MED28: variants seen among roughly 807,000 people sequenced by gnomAD.
MED28 encodes the protein mediator complex subunit 28.
In MED28, 26 loss-of-function variants were observed where a neutral mutation model predicts 21.3. That is an observed-to-expected ratio of 1.22 (90% CI 0.89 to 1.69). The LOEUF (loss-of-function observed/expected upper bound fraction) is 1.69. MED28 is among the 40% of genes most tolerant of loss of function. The probability of loss-of-function intolerance (pLI) is 0.00; values close to 1 mark genes in which losing one functional copy is unlikely to be tolerated. For missense variants in MED28, 257 were observed against 215.4 expected (o/e 1.19, Z -1.21); for synonymous variants, 110 against 87.6 (o/e 1.26, Z -1.43).
chr4:17,615,616 C>A (rs1217077772), intron 1 of MED28, among the ~76,000 whole-genome samples: 1 of 152,054 alleles, frequency 6.6e-6, no homozygotes, highest in Non-Finnish European at 1.5e-5. Context: ...TCGAGACCAG[C>A]CTGACCAACA....
In MED28 at chr4:17,625,984, A is replaced by C. The variant is rs887823285; in HGVS notation, c.*2186A>C. On this transcript the variant is annotated 3_prime_UTR_variant, in exon 4 of 4. Transcript: ENST00000237380. ...CTTCTAGAAGCCTTATAACAGAATC[A>C]ATATTGTTTTTCCCATTTTCACAGA... The C allele has an allele frequency of 6.1e-6, 1 of 163,686 alleles. No homozygotes were observed. Among genetic ancestry groups the C allele is most frequent in the Non-Finnish European group, 1.3e-5 (1 of 75,518 alleles). The allele number at this position is 163,686 out of a possible 1,614,324, so 10.1% of individuals were successfully genotyped here. A position where few individuals can be genotyped will look rare whatever the true frequency, so the allele number is the denominator to read the frequency against.
rs1016629489 is a variant in MED28, at chr4:17,633,652, A to C, written c.*9854A>C. ...TACTTCCCCTCTTATCTACAGGGAA[A>C]TAGAATAAGGGCCCCTGTCCCCAAC... On this transcript the variant is annotated 3_prime_UTR_variant, in exon 4 of 4. Coordinates refer to ENST00000237380, the MANE Select transcript of MED28 (RefSeq NM_025205.5). The C allele has an allele frequency of 1.2e-5, 17 of 1,435,752 alleles. No homozygotes were observed. The highest frequency in any genetic ancestry group is 1.5e-5 in the African/African-American group (1 of 68,278). The allele number at this position is 1,435,752 out of a possible 1,614,324, so 88.9% of individuals were successfully genotyped here.
At position 17,632,627 on chromosome 4, in the gene MED28, T is replaced by TA; in HGVS notation, c.*8833dup. On this transcript the variant is annotated 3_prime_UTR_variant, in exon 4 of 4. Transcript: ENST00000237380. ...TGGGCCGTTTCACCATCTGGGGTCC[T>TA]AAAAGCAAAAAAAGGTTTTTTTATA... is the stretch of plus-strand genomic sequence containing the variant. The TA allele has an allele frequency of 4.0e-6, 6 of 1,489,254 alleles. No homozygotes were observed. The highest frequency in any genetic ancestry group is 5.4e-6 in the Non-Finnish European group (6 of 1,112,996). The allele number at this position is 1,489,254 out of a possible 1,614,324, so 92.3% of individuals were successfully genotyped here. A position where few individuals can be genotyped will look rare whatever the true frequency, so the allele number is the denominator to read the frequency against.
chr4:17,627,786 G>GC lies in MED28; in HGVS notation c.*3990dup, dbSNP rs1714806332. 6.6e-6 allele frequency: 1 copy of GC among 152,570 alleles called. No homozygotes were observed. The highest frequency in any genetic ancestry group is 2.1e-4 in the South Asian group (1 of 4,842). 9.5% of individuals were successfully genotyped at this position (152,570 alleles called of 1,614,324 possible). A position where few individuals can be genotyped will look rare whatever the true frequency, so the allele number is the denominator to read the frequency against. On this transcript the variant is annotated 3_prime_UTR_variant, in exon 4 of 4. Coordinates refer to ENST00000237380, the MANE Select transcript of MED28 (RefSeq NM_025205.5). ...GGACGTTGCAGTGAGCCGAGATCGA[G>GC]CCACTGCACTCCAGCCTGGGTGACA...
chr4:17,633,970 C>CCCAATCAA lies in MED28; in HGVS notation c.*10173_*10180dup. ...TTATTGTAAAAGCAAATAATGCTCA[C>CCCAATCAA]CCAATCAAAATTGTATCGGAGAAGA... On this transcript the variant is annotated 3_prime_UTR_variant, in exon 4 of 4. Transcript: ENST00000237380. 1 of 1,125,708 alleles carries CCCAATCAA rather than the reference C, an allele frequency of 8.9e-7. No individual in the cohort carries two copies. The highest frequency in any genetic ancestry group is 2.4e-5 in the South Asian group (1 of 40,950). 69.7% of individuals were successfully genotyped at this position (1,125,708 alleles called of 1,614,324 possible).
In MED28 at chr4:17,632,112, C is replaced by T. The variant is rs1223742693; in HGVS notation, c.*8314C>T. 7.4e-6 allele frequency: 1 copy of T among 135,896 alleles called. No individual in the cohort carries two copies. Among genetic ancestry groups the T allele is most frequent in the Non-Finnish European group, 1.5e-5 (1 of 65,264 alleles). The allele number at this position is 135,896 out of a possible 1,614,324, so 8.4% of individuals were successfully genotyped here. A position where few individuals can be genotyped will look rare whatever the true frequency, so the allele number is the denominator to read the frequency against. ...TGGAGACAGGGTCTCCCTCTGTCAC[C>T]CAGGCTGGTTGGAATGCAGGAGTTC... On this transcript the variant is annotated 3_prime_UTR_variant, in exon 4 of 4. Transcript: ENST00000237380.
Position 17,632,814 on chromosome 4 carries a change from C to T in MED28, c.*9016C>T, listed in dbSNP as rs1715000986. The T allele has an allele frequency of 2.0e-6, 1 of 508,924 alleles. No individual in the cohort carries two copies. Among genetic ancestry groups the T allele is most frequent in the African/African-American group, 1.9e-5 (1 of 52,314 alleles). The allele number at this position is 508,924 out of a possible 1,614,324, so 31.5% of individuals were successfully genotyped here. On this transcript the variant is annotated 3_prime_UTR_variant, in exon 4 of 4. Transcript: ENST00000237380. ...GGCTGGGGAGGGAGTACCTAATCCT[C>T]ATTTGGAAAACAGAAGGTTCACCAT...
chr4:17,615,539 C>T (rs979331744), intron 1 of MED28, among the ~76,000 whole-genome samples: 1 of 152,150 alleles, frequency 6.6e-6, no homozygotes, highest in Non-Finnish European at 1.5e-5. Flanking sequence ...TTGCCGGGCG[C>T]GGTGGCTCAC....
At chr4:17,620,020 G>T in intron 2 of MED28, 53 bp downstream of exon 2, 1 of 1,515,250 alleles carries the variant, frequency 6.6e-7, no homozygotes, top group East Asian at 2.3e-5. Flanking sequence ...GTATTTCCTA[G>T]TTGCTAATTT....
At position 17,631,216 on chromosome 4, in the gene MED28, A is replaced by G. The variant is rs553126545; in HGVS notation, c.*7418A>G. On this transcript the variant is annotated 3_prime_UTR_variant, in exon 4 of 4. Transcript: ENST00000237380. ...GACCAGAGGTTCAGGGGATATATAT[A>G]TATATTTTTTTAATCTGTAGAGATG... 6.6e-6 allele frequency: 1 copy of G among 152,044 alleles called. No individual in the cohort carries two copies. Among genetic ancestry groups the G allele is most frequent in the Non-Finnish European group, 1.5e-5 (1 of 68,028 alleles). The allele number at this position is 152,044 out of a possible 1,614,324, so 9.4% of individuals were successfully genotyped here.
At chr4:17,621,498 G>GT (rs1714628728) in intron 2 of MED28, 89 bp from the exon 3 acceptor site, 6 of 899,488 alleles carry the variant, frequency 6.7e-6, no homozygotes, top group Non-Finnish European at 9.9e-6. Flanking sequence ...AGAGGGCTTT[G>GT]TTTTTACATT....
chr4:17,631,505 T>G lies in MED28; in HGVS notation c.*7707T>G, dbSNP rs976609536. 1.3e-5 allele frequency: 2 copies of G among 152,222 alleles called. No homozygotes were observed. Among genetic ancestry groups the G allele is most frequent in the Non-Finnish European group, 2.9e-5 (2 of 68,048 alleles). 9.4% of individuals were successfully genotyped at this position (152,222 alleles called of 1,614,324 possible). A position where few individuals can be genotyped will look rare whatever the true frequency, so the allele number is the denominator to read the frequency against. On this transcript the variant is annotated 3_prime_UTR_variant, in exon 4 of 4. Coordinates refer to ENST00000237380, the MANE Select transcript of MED28 (RefSeq NM_025205.5). ...TCAAAGAACAGATAATCTAGAGACC[T>G]TCACAAGTGATCATGTTGGCACTAT...
chr4:17,617,773 T>A (rs1714492503), intron 1 of MED28, among the ~76,000 whole-genome samples: 1 of 151,926 alleles, frequency 6.6e-6, no homozygotes, highest in South Asian at 2.1e-4. Flanking sequence ...TGGTCTCTGG[T>A]GGCACACGCC....
chr4:17,614,860 T>A (rs1243852370), intron 1 of MED28, 47 bp downstream of exon 1: 5 of 1,547,260 alleles, frequency 3.2e-6, no homozygotes, highest in Non-Finnish European at 4.4e-6. Flanking sequence ...CCCTTTTTTC[T>A]GAAACGTGAA....
At position 17,625,853 on chromosome 4, in the gene MED28, C is replaced by T; in HGVS notation, c.*2055C>T. On this transcript the variant is annotated 3_prime_UTR_variant, in exon 4 of 4. Transcript: ENST00000237380. ...TGCTGTGATTGTCCAGGGGTACGTT[C>T]TGGTCTGGCTTGGTGCTTGACCTTA... is the stretch of plus-strand genomic sequence containing the variant. 3.8e-6 allele frequency: 1 copy of T among 264,874 alleles called. No individual in the cohort carries two copies. The highest frequency in any genetic ancestry group is 7.5e-6 in the Non-Finnish European group (1 of 132,468). 16.4% of individuals were successfully genotyped at this position (264,874 alleles called of 1,614,324 possible).
chr4:17,614,673 G>T lies in MED28; in HGVS notation c.19G>T (p.Gly7Cys), dbSNP rs10028056. 6 of 1,612,634 alleles carry T rather than the reference G, an allele frequency of 3.7e-6. No homozygotes were observed. Among genetic ancestry groups the T allele is most frequent in the African/African-American group, 1.3e-5 (1 of 74,756 alleles). Reference protein sequence around the residue: MAAPLGGMFSGQPPGPP... With the variant: MAAPLGCMFSGQPPGPP... The stretch of plus-strand genomic sequence containing the variant: ...TCCAAACATGGCGGCTCCACTAGGG[G>T]GTATGTTTTCTGGGCAGCCACCCGG... Residue 7 changes from glycine (G) to cysteine (C), a missense_variant, in exon 1 of 4, where the codon GGT (glycine) becomes TGT (cysteine). Gly to Cys is a radical substitution (Grantham distance 159). Transcript: ENST00000237380.
Position 17,629,526 on chromosome 4 carries a change from C to T in MED28, c.*5728C>T, listed in dbSNP as rs772621280. On this transcript the variant is annotated 3_prime_UTR_variant, in exon 4 of 4. Transcript: ENST00000237380. ...ATTTTTACCTACCCCAATTACAAAA[C>T]AGTTTGCTTTCATGTGGAACAGATA... The T allele has an allele frequency of 2.6e-5, 4 of 152,214 alleles. No individual in the cohort carries two copies. Among genetic ancestry groups the T allele is most frequent in the Non-Finnish European group, 4.4e-5 (3 of 68,042 alleles). 9.4% of individuals were successfully genotyped at this position (152,214 alleles called of 1,614,324 possible). A position where few individuals can be genotyped will look rare whatever the true frequency, so the allele number is the denominator to read the frequency against.
rs1325456125 is a variant in MED28 at position 17,614,691 on chromosome 4, C to T, written c.37C>T (p.Pro13Ser). The T allele has an allele frequency of 6.2e-7, 1 of 1,613,728 alleles. No homozygotes were observed. Residue 13 changes from proline (P) to serine (S), a missense_variant, in exon 1 of 4, where the codon CCA becomes TCA. By Grantham distance (74) the Pro-to-Ser change is moderately conservative (BLOSUM62 -1). Transcript: ENST00000237380. ...ACTAGGGGGTATGTTTTCTGGGCAG[C>T]CACCCGGTCCCCCTCAGGCCCCGCC... The part of the protein sequence containing the change: ...APLGGMFSGQ[P>S]PGPPQAPPGL...
chr4:17,625,718 A>G lies in MED28; in HGVS notation c.*1920A>G. The stretch of plus-strand genomic sequence containing the variant: ...CTCTGAGCTGCTAACTTTTTCAGGG[A>G]GAAAATCACAAGCCATCTTCTCAAG... On this transcript the variant is annotated 3_prime_UTR_variant, in exon 4 of 4. Transcript: ENST00000237380. 1 of 437,932 alleles carries G rather than the reference A, an allele frequency of 2.3e-6. No homozygotes were observed. The highest frequency in any genetic ancestry group is 2.8e-5 in the Admixed American group (1 of 36,322). The allele number at this position is 437,932 out of a possible 1,614,324, so 27.1% of individuals were successfully genotyped here. A position where few individuals can be genotyped will look rare whatever the true frequency, so the allele number is the denominator to read the frequency against.
Sources: gnomAD v4.1 joint callset for allele counts (sites outside exome capture counted in the v4.1 genomes callset) on GRCh38, gnomAD v4.1.1 for gene constraint, MANE v1.5 for transcripts, NCBI Gene and HGNC (gene_info 2026-07-23, HGNC 2026-07-21) for gene names.